Variants in ANKRD33B observed in about 807,000 individuals in gnomAD.
The protein encoded by ANKRD33B is ankyrin repeat domain-containing protein 33B.
Under a neutral mutation model 21.5 loss-of-function variants are expected in ANKRD33B, and 6 were observed. That is an observed-to-expected ratio of 0.28 (90% CI 0.15 to 0.55). ANKRD33B has a LOEUF of 0.55. ANKRD33B is among the 20% of genes least tolerant of loss of function. The probability of loss-of-function intolerance (pLI) is 0.94; values close to 1 mark genes in which losing one functional copy is unlikely to be tolerated. For synonymous variants in ANKRD33B, 347 were observed against 342.4 expected (o/e 1.01, Z -0.15); for missense variants, 698 against 747.2 (o/e 0.93, Z 0.77).
At chr5:10,629,866 G>T (rs1736665436) in intron 2 of ANKRD33B, among the ~76,000 whole-genome samples, 1 of 152,186 alleles carries the variant, frequency 6.6e-6, no homozygotes, top group Non-Finnish European at 1.5e-5. Context: ...AGTGGGAAAT[G>T]CTGGGGAGAT....
At chr5:10,588,892 G>A (rs1735622051) in intron 1 of ANKRD33B, among the ~76,000 whole-genome samples, 2 of 152,168 alleles carry the variant, frequency 1.3e-5, no homozygotes, top group South Asian at 2.1e-4. Flanking sequence ...TGGCTCCCTA[G>A]AGAGAGTGAA....
In ANKRD33B at chr5:10,618,419, G is replaced by A. The variant is rs1193155563; in HGVS notation, c.453G>A (p.Gln151=). Residue 151 remains glutamine, a synonymous_variant, in exon 2 of 4, where the codon CAG becomes CAA. Coordinates refer to ENST00000296657, the MANE Select transcript of ANKRD33B (RefSeq NM_001164440.2). ...AECPHVDVNW[Q]DSEGNTALIT... ...GCCCCCACGTTGACGTCAACTGGCA[G>A]GACAGCGAGGGGAACACAGCCCTAA... 3 of 1,537,306 alleles carry A rather than the reference G, an allele frequency of 2.0e-6. No homozygotes were observed. Among genetic ancestry groups the A allele is most frequent in the Non-Finnish European group, 2.6e-6 (3 of 1,146,864 alleles).
At chr5:10,595,091 G>C (rs1188217843) in intron 1 of ANKRD33B, among the ~76,000 whole-genome samples, 1 of 152,184 alleles carries the variant, frequency 6.6e-6, no homozygotes, top group Non-Finnish European at 1.5e-5. Context: ...TCTCTAGCGA[G>C]TGTGCCCTGT....
intron 2 of ANKRD33B, among the ~76,000 whole-genome samples, chr5:10,636,950 G>T (rs1736880684): frequency 6.6e-6 from 1 of 152,202 alleles, no homozygotes; most frequent in South Asian, 2.1e-4. Context: ...GTTGCTACTG[G>T]CATCTATCGG....
rs1403895712 is a variant in ANKRD33B at position 10,650,896 on chromosome 5, CTG to C, written c.*784_*785del. 2.6e-5 allele frequency: 4 copies of C among 152,382 alleles called. No individual in the cohort carries two copies. The East Asian group carries it at 5.6e-4, about 21-fold the overall frequency. 9.4% of individuals were successfully genotyped at this position (152,382 alleles called of 1,614,324 possible). The stretch of plus-strand genomic sequence containing the variant: ...TTTTAAGCAAGGGGTTTTAGGTAAA[CTG>C]GATACGAAATCTTTAACATTAAAAA... On this transcript the variant is annotated 3_prime_UTR_variant, in exon 4 of 4. Coordinates refer to ENST00000296657, the MANE Select transcript of ANKRD33B (RefSeq NM_001164440.2).
intron 1 of ANKRD33B, among the ~76,000 whole-genome samples, chr5:10,603,268 AT>A (rs913110895): frequency 2.2e-4 from 33 of 147,406 alleles, no homozygotes; most frequent in East Asian, 6.1e-4. Context: ...CTTAAAAAAA[AT>A]TTTTTTTTTT....
chr5:10,567,854 C>T (rs1475728763), intron 1 of ANKRD33B, among the ~76,000 whole-genome samples: 7 of 152,196 alleles, frequency 4.6e-5, no homozygotes, highest in Admixed American at 2.6e-4. Context: ...AAAGAAGGCC[C>T]GGACAGCTTT....
intron 3 of ANKRD33B, among the ~76,000 whole-genome samples, chr5:10,642,670 G>T (rs1340058068): frequency 6.6e-6 from 1 of 152,128 alleles, no homozygotes; most frequent in Non-Finnish European, 1.5e-5. Flanking sequence ...GTGCATGCTG[G>T]GCTTGGAGAA....
In ANKRD33B at chr5:10,619,970, G is replaced by A. The variant is rs1468121995; in HGVS notation, c.496+1508G>A. 2.6e-5 allele frequency among the ~76,000 whole-genome samples: 4 copies of A among 152,216 alleles called. No individual in the cohort carries two copies. The highest frequency in any genetic ancestry group is 4.4e-5 in the Non-Finnish European group (3 of 68,034). ...GGATTTGAGCTGGGGCTGAGAGGGA[G>A]CCGGGCAGTTCTCAGGAATGGCGAG... On this transcript the variant is annotated intron_variant, in intron 2 of 3. Transcript: ENST00000296657. This position sits in a 1 kb window ranked among gnomAD's most constrained non-coding sequence, Gnocchi z 4.5.
intron 1 of ANKRD33B, among the ~76,000 whole-genome samples, chr5:10,568,851 A>G (rs1177588366): frequency 6.6e-6 from 1 of 152,042 alleles, no homozygotes; most frequent in African/African-American, 2.4e-5. Flanking sequence ...GCGTGTTTAA[A>G]TTTCCAGGGT....
At chr5:10,649,181 G>C (rs905785213) in intron 3 of ANKRD33B, 85 bp from the exon 4 acceptor site, 1 of 1,450,882 alleles carries the variant, frequency 6.9e-7, no homozygotes, top group Admixed American at 2.5e-5. Context: ...GGTGGGGGCA[G>C]TTTTGCCTTT....
intron 1 of ANKRD33B, among the ~76,000 whole-genome samples, chr5:10,617,764 T>G (rs1231602710): frequency 6.6e-6 from 1 of 152,190 alleles, no homozygotes; most frequent in East Asian, 1.9e-4. Flanking sequence ...CTCACTCTGC[T>G]CTAGCCCTGC....
At chr5:10,639,144 A>G (rs865888852) in intron 3 of ANKRD33B, among the ~76,000 whole-genome samples, 3 of 55,044 alleles carry the variant, frequency 5.5e-5, no homozygotes, top group Non-Finnish European at 7.9e-5. Context: ...GGTGACGCGG[A>G]GTTGCGCGGC....
At chr5:10,613,250 G>A (rs1406536895) in intron 1 of ANKRD33B, among the ~76,000 whole-genome samples, 4 of 150,066 alleles carry the variant, frequency 2.7e-5, no homozygotes, top group Admixed American at 2.7e-4. Context: ...TTTGTTTATA[G>A]TGGTTATTGT....
chr5:10,650,271 C>T lies in ANKRD33B; in HGVS notation c.*158C>T. 1.2e-6 allele frequency: 1 copy of T among 803,840 alleles called. No individual in the cohort carries two copies. The highest frequency in any genetic ancestry group is 1.7e-6 in the Non-Finnish European group (1 of 580,084). 49.8% of individuals were successfully genotyped at this position (803,840 alleles called of 1,614,324 possible). A position where few individuals can be genotyped will look rare whatever the true frequency, so the allele number is the denominator to read the frequency against. On this transcript the variant is annotated 3_prime_UTR_variant, in exon 4 of 4. Coordinates refer to ENST00000296657, the MANE Select transcript of ANKRD33B (RefSeq NM_001164440.2). ...CCAGGCTGTTTGTCCAGGCTGCTTC[C>T]AAGAGAGGGCTGAGGGAGCCACATG...
chr5:10,574,079 C>T (rs1179333958), intron 1 of ANKRD33B, among the ~76,000 whole-genome samples: 16 of 152,282 alleles, frequency 1.1e-4, no homozygotes, highest in Non-Finnish European at 1.6e-4. Context: ...CTTTTACACA[C>T]GCACAAACAT....
chr5:10,588,969 A>C (rs1735624241), intron 1 of ANKRD33B, among the ~76,000 whole-genome samples: 1 of 152,082 alleles, frequency 6.6e-6, no homozygotes, highest in Non-Finnish European at 1.5e-5. Context: ...TCCTGTTCCC[A>C]GCTTGTCATG....
chr5:10,588,197 G>A (rs370698282), intron 1 of ANKRD33B, among the ~76,000 whole-genome samples: 4 of 152,208 alleles, frequency 2.6e-5, no homozygotes, highest in African/African-American at 9.6e-5. Context: ...GCGAATTCAT[G>A]ATCTAGGCAT....
chr5:10,625,736 TGG>T (rs1736532279), intron 2 of ANKRD33B, among the ~76,000 whole-genome samples: 1 of 152,228 alleles, frequency 6.6e-6, no homozygotes, highest in African/African-American at 2.4e-5. Context: ...GCATGAACCG[TGG>T]TATACTTAAC....
Sources: gnomAD v4.1 joint callset for allele counts (sites outside exome capture counted in the v4.1 genomes callset) on GRCh38, gnomAD v4.1.1 for gene constraint, Gnocchi (gnomAD v3.1) non-coding constraint, MANE v1.5 for transcripts, NCBI Gene and HGNC (gene_info 2026-07-23, HGNC 2026-07-21) for gene names.